Variants in CTNNA3 observed in about 807,000 individuals in gnomAD.
CTNNA3 encodes the protein catenin alpha 3, also known as catenin alpha-3.
In CTNNA3, 76 loss-of-function variants were observed where a neutral mutation model predicts 95.7. The ratio of observed to expected loss-of-function variants is 0.79; its 90% CI spans 0.66 to 0.96. CTNNA3 has a LOEUF of 0.96. Among genes scored for constraint, CTNNA3 ranks in the 40% least tolerant of loss-of-function variants. The pLI is 0.00. For missense variants in CTNNA3, 1,191 were observed against 1,089.8 expected (o/e 1.09, Z -1.31); for synonymous variants, 431 against 374.4 (o/e 1.15, Z -1.74).
At chr10:67,036,715 A>G (rs1854086091) in intron 7 of CTNNA3, among the ~76,000 whole-genome samples, 1 of 152,120 alleles carries the variant, frequency 6.6e-6, no homozygotes, top group Non-Finnish European at 1.5e-5. Flanking sequence ...GGCTGTGCCC[A>G]TTCATTTGTT....
chr10:65,935,019 C>T (rs1366516536), intron 17 of CTNNA3, among the ~76,000 whole-genome samples: 1 of 152,116 alleles, frequency 6.6e-6, no homozygotes, highest in Non-Finnish European at 1.5e-5. Context: ...GTCCATATGA[C>T]TGTCCCCTAT....
intron 14 of CTNNA3, among the ~76,000 whole-genome samples, chr10:66,081,097 C>A (rs549594454): frequency 1.3e-5 from 2 of 152,230 alleles, no homozygotes; most frequent in Admixed American, 1.3e-4. Context: ...AAATTTAAGG[C>A]TTTCTTGGTC....
At chr10:66,978,022 T>A (rs1043546559) in intron 7 of CTNNA3, among the ~76,000 whole-genome samples, 2 of 150,858 alleles carry the variant, frequency 1.3e-5, no homozygotes, top group Admixed American at 6.7e-5. Flanking sequence ...TACTTTAGTA[T>A]AACATCATGA....
At chr10:66,813,347 T>C (rs762573406) in intron 7 of CTNNA3, among the ~76,000 whole-genome samples, 2 of 152,166 alleles carry the variant, frequency 1.3e-5, no homozygotes, top group Non-Finnish European at 2.9e-5. Context: ...ACTAAAAGCA[T>C]TTCAGTGTCT....
chr10:66,268,082 AATGATG>A (rs147518118), intron 13 of CTNNA3, among the ~76,000 whole-genome samples: 2 of 152,040 alleles, frequency 1.3e-5, no homozygotes, highest in South Asian at 2.1e-4. Flanking sequence ...TATTGTTGAA[AATGATG>A]ATGATGATGA....
intron 5 of CTNNA3, among the ~76,000 whole-genome samples, chr10:67,464,924 C>T (rs763909372): frequency 2.7e-5 from 4 of 150,610 alleles, no homozygotes; most frequent in South Asian, 2.1e-4. Flanking sequence ...TTAGAGGCTT[C>T]GGGGGAGAAA....
rs537322140 is a variant in CTNNA3 at position 67,502,328 on chromosome 10, T to A, written c.579+19514A>T. Among the ~76,000 whole-genome samples, 8 of 152,270 alleles carry A rather than the reference T, an allele frequency of 5.3e-5. No individual in the cohort carries two copies. In the East Asian group the frequency reaches 1.4e-3, roughly 26 times the overall value. On this transcript the variant is annotated intron_variant, in intron 5 of 17. Transcript: ENST00000433211. ...GCAGAACAGCAAAGACTGCTCCTGT[T>A]CCTTCCTCTGGAAGCTTCATCCCAG...
At chr10:66,980,275 T>C (rs1264414774) in intron 7 of CTNNA3, among the ~76,000 whole-genome samples, 1 of 152,198 alleles carries the variant, frequency 6.6e-6, no homozygotes, top group Non-Finnish European at 1.5e-5. Flanking sequence ...TCTCTTCTCC[T>C]AAGCCAAGTA....
In CTNNA3 at chr10:67,711,418, G is replaced by C. The variant is rs548569087; in HGVS notation, c.-2+52016C>G. ...ATAATGATATGGACAATGAAATCCA[G>C]TCTGAGGTGGTCTCAGATGGAGATA... On this transcript the variant is annotated intron_variant, in intron 1 of 17. Coordinates refer to the CTNNA3 transcript ENST00000684154. Among the ~76,000 whole-genome samples, 3 of 152,292 alleles carry C rather than the reference G, an allele frequency of 2.0e-5. No individual in the cohort carries two copies. In the South Asian group the frequency reaches 6.2e-4, roughly 32 times the overall value.
intron 13 of CTNNA3, among the ~76,000 whole-genome samples, chr10:66,269,207 A>G (rs989325718): frequency 2.0e-5 from 3 of 152,218 alleles, no homozygotes; most frequent in African/African-American, 4.8e-5. Context: ...AAAAGACTAC[A>G]TGACTTACAT....
At chr10:66,055,560 A>C (rs922403361) in intron 15 of CTNNA3, among the ~76,000 whole-genome samples, 1 of 152,014 alleles carries the variant, frequency 6.6e-6, no homozygotes, top group Non-Finnish European at 1.5e-5. Flanking sequence ...TTATACATTA[A>C]TTTTGTAGCC....
chr10:66,432,408 C>A (rs897551404), intron 11 of CTNNA3, among the ~76,000 whole-genome samples: 12 of 152,100 alleles, frequency 7.9e-5, no homozygotes, highest in African/African-American at 2.4e-4. Flanking sequence ...CCTGTAATCC[C>A]AACACTTTGG....
At chr10:67,162,082 T>C (rs183845714) in intron 7 of CTNNA3, among the ~76,000 whole-genome samples, 50 of 152,180 alleles carry the variant, frequency 3.3e-4, no homozygotes, top group African/African-American at 1.2e-3. Flanking sequence ...GTTATAGCTG[T>C]AGACTTCAAC....
chr10:67,090,989 C>T (rs1251646603), intron 7 of CTNNA3, among the ~76,000 whole-genome samples: 1 of 152,122 alleles, frequency 6.6e-6, no homozygotes, highest in Middle Eastern at 3.4e-3. Context: ...AATTTTCAAG[C>T]TGGGAGTCAA....
At chr10:66,786,611 G>T (rs769356280) in intron 7 of CTNNA3, among the ~76,000 whole-genome samples, 2 of 152,136 alleles carry the variant, frequency 1.3e-5, no homozygotes, top group Non-Finnish European at 2.9e-5. Flanking sequence ...TTCAGCCAGG[G>T]TGAAGGGAAT....
chr10:67,719,539 G>A (rs1288744878), intron 1 of CTNNA3, among the ~76,000 whole-genome samples: 1 of 152,098 alleles, frequency 6.6e-6, no homozygotes, highest in African/African-American at 2.4e-5. Context: ...ATTGATTTCT[G>A]CCTTAATTTT....
intron 6 of CTNNA3, among the ~76,000 whole-genome samples, chr10:67,212,424 T>C (rs1158648293): frequency 6.6e-6 from 1 of 152,014 alleles, no homozygotes; most frequent in Non-Finnish European, 1.5e-5. Context: ...AAATGCTGTA[T>C]GAATTCTTAT....
intron 7 of CTNNA3, among the ~76,000 whole-genome samples, chr10:66,859,679 C>G (rs544217528): frequency 7.0e-5 from 10 of 142,424 alleles, no homozygotes; most frequent in East Asian, 3.9e-4. Context: ...TATACCCAAA[C>G]GACTATAAAT....
chr10:66,443,407 C>G (rs1265390058), intron 11 of CTNNA3, among the ~76,000 whole-genome samples: 1 of 152,130 alleles, frequency 6.6e-6, no homozygotes, highest in Non-Finnish European at 1.5e-5. Context: ...AGGCGCCCCC[C>G]AGTAGGGGCA....
Sources: allele counts gnomAD v4.1 joint callset (sites outside exome capture counted in the v4.1 genomes callset), GRCh38; gene constraint gnomAD v4.1.1; transcripts MANE v1.5; gene names NCBI Gene and HGNC (gene_info 2026-07-23, HGNC 2026-07-21).